Variants in ADCY2 observed in about 807,000 individuals in gnomAD.
The protein encoded by ADCY2 is adenylate cyclase type 2.
ADCY2 carries 31 observed loss-of-function variants against 125.2 expected under a neutral mutation model. The observed-to-expected ratio is 0.25, with a 90% confidence interval of 0.19 to 0.33. The LOEUF is 0.33. ADCY2 is among the 10% of genes least tolerant of loss of function. ADCY2 has a pLI of 1.00. For missense variants in ADCY2, 904 were observed against 1,418.2 expected, an observed-to-expected ratio of 0.64 and a Z score of 5.82; for synonymous variants, 512 against 548.4, an observed-to-expected ratio of 0.93 and a Z score of 0.93.
chr5:7,558,056 TA>T (rs1262053183), intron 3 of ADCY2, among the ~76,000 whole-genome samples: 14 of 134,888 alleles, frequency 1.0e-4, no homozygotes, highest in East Asian at 7.8e-4. Flanking sequence ...TTTTTGGTTT[TA>T]TTTTTTTTTT....
At position 7,396,201 on chromosome 5, in the gene ADCY2, C is replaced by G; in HGVS notation, c.-96C>G. 7.4e-6 allele frequency: 5 copies of G among 676,544 alleles called. No individual in the cohort carries two copies. The highest frequency in any genetic ancestry group is 9.0e-6 in the Non-Finnish European group (5 of 552,544). 41.9% of individuals were successfully genotyped at this position (676,544 alleles called of 1,614,324 possible). On this transcript the variant is annotated 5_prime_UTR_variant, in exon 1 of 25. Transcript: ENST00000338316. This position sits in a 1 kb window ranked among gnomAD's most constrained non-coding sequence, Gnocchi z 5.7. ...GCAGCTCCGGGTGCCGGCAGCCGGGCCGGCCGAGGCGGCGCGGGGGTGGGA... is the reference window on the plus strand; with the variant it reads ...GCAGCTCCGGGTGCCGGCAGCCGGGGCGGCCGAGGCGGCGCGGGGGTGGGA...
chr5:7,665,409 C>T (rs531389341), intron 4 of ADCY2, among the ~76,000 whole-genome samples: 11 of 152,196 alleles, frequency 7.2e-5, no homozygotes, highest in Admixed American at 5.2e-4. Context: ...TTGTCAGCAC[C>T]CCAAACACGC....
intron 2 of ADCY2, among the ~76,000 whole-genome samples, chr5:7,490,881 A>G (rs957860703): frequency 6.6e-6 from 1 of 152,230 alleles, no homozygotes; most frequent in African/African-American, 2.4e-5. Context: ...GGTGTCTGTT[A>G]AATAATGGTG....
chr5:7,673,652 C>T (rs957056924), intron 4 of ADCY2, among the ~76,000 whole-genome samples: 7 of 152,156 alleles, frequency 4.6e-5, no homozygotes, highest in Admixed American at 4.6e-4. Context: ...TCTGCCCAAC[C>T]TCCACTCGTG....
Position 7,690,958 on chromosome 5 carries a change from G to A in ADCY2, c.869+119G>A, listed in dbSNP as rs142120602. On this transcript the variant is annotated intron_variant, in intron 5 of 24. Coordinates refer to ENST00000338316, the MANE Select transcript of ADCY2 (RefSeq NM_020546.3). The stretch of plus-strand genomic sequence containing the variant: ...CTTTGTGACAGTGGATCCTTTGCAG[G>A]GGAAATAATCACACAGATTCTGCCA... The A allele has an allele frequency of 4.0e-5, 48 of 1,204,004 alleles. No homozygotes were observed. The East Asian group carries it at 1.2e-3, about 29-fold the overall frequency. The allele number at this position is 1,204,004 out of a possible 1,614,324, so 74.6% of individuals were successfully genotyped here.
At chr5:7,750,711 T>C (rs1286830927) in intron 15 of ADCY2, among the ~76,000 whole-genome samples, 1 of 152,092 alleles carries the variant, frequency 6.6e-6, no homozygotes, top group Non-Finnish European at 1.5e-5. Context: ...GGAATGAGAT[T>C]AACTCTCCTG....
At chr5:7,523,065 A>G (rs16878758) in intron 3 of ADCY2, among the ~76,000 whole-genome samples, 4,117 of 152,334 alleles carry the variant, frequency 0.027, 182 homozygotes, top group African/African-American at 0.093. Context: ...ACCCTGGAAC[A>G]CATCCCTTGT....
At chr5:7,707,002 T>C in intron 8 of ADCY2, 100 bp downstream of exon 8, 1 of 1,429,312 alleles carries the variant, frequency 7.0e-7, no homozygotes, top group Non-Finnish European at 9.5e-7. Flanking sequence ...TGATCACTTC[T>C]GTTGCCTCTG....
intron 12 of ADCY2, among the ~76,000 whole-genome samples, chr5:7,718,118 G>A (rs963637044): frequency 1.3e-5 from 2 of 150,496 alleles, no homozygotes; most frequent in Admixed American, 6.6e-5. Flanking sequence ...ATAGTGCATG[G>A]CTTTGCAAAA....
intron 22 of ADCY2, 57 bp from the exon 23 acceptor site, chr5:7,816,809 A>G (rs1252454869): frequency 1.4e-6 from 2 of 1,429,328 alleles, no homozygotes; most frequent in Non-Finnish European, 2.0e-6. Context: ...GACAAAGGGG[A>G]ACAGTTTCCA....
chr5:7,657,083 A>G (rs901966566), intron 4 of ADCY2, among the ~76,000 whole-genome samples: 1 of 152,196 alleles, frequency 6.6e-6, no homozygotes, highest in African/African-American at 2.4e-5. Context: ...GCAAAAGTGG[A>G]TTTCATGTTT....
intron 18 of ADCY2, among the ~76,000 whole-genome samples, chr5:7,774,743 C>T (rs1743665809): frequency 6.6e-6 from 1 of 152,188 alleles, no homozygotes; most frequent in African/African-American, 2.4e-5. Flanking sequence ...GACCTTGAAG[C>T]TAGGGAGACT....
At chr5:7,551,503 A>G (rs1230828058) in intron 3 of ADCY2, among the ~76,000 whole-genome samples, 1 of 152,124 alleles carries the variant, frequency 6.6e-6, no homozygotes, top group Non-Finnish European at 1.5e-5. Context: ...CCATATAAAG[A>G]CTCAAAAGTA....
At chr5:7,524,621 T>C (rs902078219) in intron 3 of ADCY2, among the ~76,000 whole-genome samples, 1 of 152,214 alleles carries the variant, frequency 6.6e-6, no homozygotes, top group Admixed American at 6.5e-5. Context: ...CTTTTGAAGA[T>C]TGCAGGACCG....
chr5:7,463,294 A>G (rs7700720), intron 2 of ADCY2, among the ~76,000 whole-genome samples: 15,731 of 152,116 alleles, frequency 0.1, 1,513 homozygotes, highest in African/African-American at 0.26. Context: ...AATTCTGTGA[A>G]GATTTATTCA....
intron 2 of ADCY2, among the ~76,000 whole-genome samples, chr5:7,487,938 C>G (rs1180880008): frequency 6.6e-6 from 1 of 152,130 alleles, no homozygotes; most frequent in Non-Finnish European, 1.5e-5. Context: ...TAGGTGAAAA[C>G]TTGTGTATTC....
intron 18 of ADCY2, among the ~76,000 whole-genome samples, chr5:7,783,986 G>A (rs553831916): frequency 2.0e-5 from 3 of 152,246 alleles, no homozygotes; most frequent in South Asian, 2.1e-4. Context: ...TATACCTCAC[G>A]TGATTACTCA....
At chr5:7,741,939 C>A (rs1381733465) in intron 14 of ADCY2, among the ~76,000 whole-genome samples, 3 of 151,920 alleles carry the variant, frequency 2.0e-5, no homozygotes, top group Non-Finnish European at 4.4e-5. Flanking sequence ...CCATCACCGT[C>A]ATTATTATCA....
chr5:7,617,894 A>G (rs1378546719), intron 3 of ADCY2, among the ~76,000 whole-genome samples: 2 of 152,182 alleles, frequency 1.3e-5, no homozygotes, highest in African/African-American at 4.8e-5. Context: ...TGAAACAACC[A>G]AAGTTTCGTT....
Sources: allele counts gnomAD v4.1 joint callset (sites outside exome capture counted in the v4.1 genomes callset), GRCh38; gene constraint gnomAD v4.1.1; non-coding constraint Gnocchi (gnomAD v3.1); transcripts MANE v1.5; gene names NCBI Gene and HGNC (gene_info 2026-07-23, HGNC 2026-07-21).